The following NOL10 variants were observed in gnomAD, a reference collection of about 807,000 sequenced individuals.
NOL10 encodes the protein H_NH0074G24.1.
In NOL10, 58 loss-of-function variants were observed where a neutral mutation model predicts 103.5. That is an observed-to-expected ratio of 0.56 (90% CI 0.45 to 0.70). The LOEUF (loss-of-function observed/expected upper bound fraction) is 0.70, where lower values mean the gene tolerates loss of function less well. Among genes scored for constraint, NOL10 ranks in the 30% least tolerant of loss-of-function variants. The pLI is 0.00. For synonymous variants in NOL10, 287 were observed against 282.5 expected (o/e 1.02, Z -0.16); for missense variants, 763 against 807.3 (o/e 0.95, Z 0.67).
At chr2:10,655,351 C>A (rs1027434134) in intron 11 of NOL10, among the ~76,000 whole-genome samples, 3 of 151,974 alleles carry the variant, frequency 2.0e-5, no homozygotes, top group Non-Finnish European at 4.4e-5. Flanking sequence ...AGAGAGATGG[C>A]CAGCATGGAA....
intron 1 of NOL10, among the ~76,000 whole-genome samples, chr2:10,688,095 A>C (rs1281246378): frequency 6.6e-6 from 1 of 152,026 alleles, no homozygotes; most frequent in Non-Finnish European, 1.5e-5. Context: ...ACTTCCCTCT[A>C]CCAACAGTCC....
At chr2:10,605,422 TTATA>T (rs551650309) in intron 14 of NOL10, among the ~76,000 whole-genome samples, 94 of 152,336 alleles carry the variant, frequency 6.2e-4, no homozygotes, top group African/African-American at 2.2e-3. Context: ...TTAGAAGGTT[TTATA>T]TATTATGGGG....
chr2:10,675,415 T>C (rs368290771), intron 4 of NOL10, among the ~76,000 whole-genome samples: 200 of 152,100 alleles, frequency 1.3e-3, no homozygotes, highest in Non-Finnish European at 2.0e-3. Context: ...CTGAGTGTAT[T>C]TGGAAGCAAA....
At chr2:10,615,742 A>C (rs1213243498) in intron 13 of NOL10, among the ~76,000 whole-genome samples, 4 of 152,214 alleles carry the variant, frequency 2.6e-5, no homozygotes, top group African/African-American at 9.7e-5. Flanking sequence ...TTGGGACAAG[A>C]ACTTCAAGGC....
chr2:10,623,536 TA>T (rs1226739911), intron 13 of NOL10, among the ~76,000 whole-genome samples: 2 of 152,224 alleles, frequency 1.3e-5, no homozygotes, highest in Non-Finnish European at 2.9e-5. Context: ...TTATCACCTG[TA>T]CTATCTGTTC....
chr2:10,642,792 T>C (rs1205520641), intron 13 of NOL10, among the ~76,000 whole-genome samples: 1 of 152,160 alleles, frequency 6.6e-6, no homozygotes, highest in African/African-American at 2.4e-5. Flanking sequence ...AAGTATTCCC[T>C]GAGTGCCAAC....
intron 8 of NOL10, among the ~76,000 whole-genome samples, chr2:10,663,858 G>A (rs1197633201): frequency 6.6e-6 from 1 of 151,500 alleles, no homozygotes; most frequent in African/African-American, 2.4e-5. Context: ...GCTGAGGCAG[G>A]AGAATGGCAT....
At chr2:10,652,764 T>C (rs1462740850) in intron 12 of NOL10, among the ~76,000 whole-genome samples, 1 of 152,168 alleles carries the variant, frequency 6.6e-6, no homozygotes, top group Non-Finnish European at 1.5e-5. Context: ...TCTGGGATAA[T>C]CGCAAAACTT....
At chr2:10,639,429 C>G (rs1317414873) in intron 13 of NOL10, among the ~76,000 whole-genome samples, 1 of 152,104 alleles carries the variant, frequency 6.6e-6, no homozygotes, top group Non-Finnish European at 1.5e-5. Flanking sequence ...CTAAATCAAA[C>G]AGCTTCCCAA....
At chr2:10,573,852 G>A (rs1435233781) in intron 20 of NOL10, among the ~76,000 whole-genome samples, 1 of 152,144 alleles carries the variant, frequency 6.6e-6, no homozygotes. Flanking sequence ...TCCCACCCAA[G>A]CCCAGGCTGC....
intron 17 of NOL10, among the ~76,000 whole-genome samples, chr2:10,600,446 TA>T: frequency 6.6e-6 from 1 of 152,264 alleles, no homozygotes. Context: ...AAGGATTGAG[TA>T]AATTATAATC....
chr2:10,607,341 G>A (rs986619013), intron 13 of NOL10, 30 bp from the exon 14 acceptor site: 1 of 1,577,568 alleles, frequency 6.3e-7, no homozygotes, highest in Non-Finnish European at 8.6e-7. Context: ...GGTCAGCAAA[G>A]GCACAGTTTA....
intron 12 of NOL10, among the ~76,000 whole-genome samples, chr2:10,650,370 G>A (rs1270337680): frequency 6.6e-6 from 1 of 151,740 alleles, no homozygotes; most frequent in Admixed American, 6.6e-5. Flanking sequence ...TTGCTGTGTT[G>A]ACAAGGCTGG....
At chr2:10,689,601 C>T (rs1345814786) in intron 1 of NOL10, among the ~76,000 whole-genome samples, 195 bp downstream of exon 1, 1 of 152,236 alleles carries the variant, frequency 6.6e-6, no homozygotes, top group African/African-American at 2.4e-5. Context: ...GTTTCTGGCG[C>T]GGTGACGGCA....
At chr2:10,633,965 TAC>T (rs1310417273) in intron 13 of NOL10, among the ~76,000 whole-genome samples, 2 of 152,114 alleles carry the variant, frequency 1.3e-5, no homozygotes, top group East Asian at 3.9e-4. Context: ...TAGCTGGAAC[TAC>T]AGACACATGT....
intron 13 of NOL10, among the ~76,000 whole-genome samples, chr2:10,628,092 G>A (rs778424121): frequency 9.9e-5 from 15 of 151,962 alleles, no homozygotes; most frequent in African/African-American, 3.4e-4. Context: ...GAAAACTTTC[G>A]TCTTCAGGCC....
chr2:10,672,422 G>A (rs758157110), intron 5 of NOL10, among the ~76,000 whole-genome samples: 4 of 152,024 alleles, frequency 2.6e-5, no homozygotes, highest in Non-Finnish European at 4.4e-5. Context: ...TGTACTAAAG[G>A]GGTATCTTAA....
chr2:10,571,953 C>T lies in NOL10; in HGVS notation c.*118G>A. 2.4e-6 allele frequency: 3 copies of T among 1,251,028 alleles called. No individual in the cohort carries two copies. Among genetic ancestry groups the T allele is most frequent in the African/African-American group, 1.5e-5 (1 of 66,466 alleles). 77.5% of individuals were successfully genotyped at this position (1,251,028 alleles called of 1,614,324 possible). A position where few individuals can be genotyped will look rare whatever the true frequency, so the allele number is the denominator to read the frequency against. On this transcript the variant is annotated 3_prime_UTR_variant, in exon 21 of 21. Transcript: ENST00000381685. ...GTTTTCAAATCTTTACCTCTGTGTACAAGAACGTACATGAACTTTAAAAAC... is the reference window on the plus strand; with the variant it reads ...GTTTTCAAATCTTTACCTCTGTGTATAAGAACGTACATGAACTTTAAAAAC...
intron 12 of NOL10, among the ~76,000 whole-genome samples, chr2:10,652,168 AG>A (rs1485122021): frequency 6.6e-6 from 1 of 151,148 alleles, no homozygotes; most frequent in East Asian, 2.0e-4. Flanking sequence ...TGAATCCGGG[AG>A]GGGGAGGTTG....
Sources: gnomAD v4.1 joint callset for allele counts (sites outside exome capture counted in the v4.1 genomes callset) on GRCh38, gnomAD v4.1.1 for gene constraint, MANE v1.5 for transcripts, NCBI Gene and HGNC (gene_info 2026-07-23, HGNC 2026-07-21) for gene names.